Variants in RYR1 observed in about 807,000 individuals in gnomAD.
RYR1 encodes central core disease of muscle.
A neutral mutation model predicts 583.5 loss-of-function variants in RYR1; 342 were observed. That is an observed-to-expected ratio of 0.59 (90% CI 0.54 to 0.64). The LOEUF is 0.64. RYR1 is among the 30% of genes least tolerant of loss of function. RYR1 has a pLI of 0.00. For missense variants in RYR1, 6,032 were observed against 6,917.2 expected (o/e 0.87, Z 4.54); for synonymous variants, 2,791 against 2,822.5 (o/e 0.99, Z 0.35).
Position 38,466,263 on chromosome 19 carries a change from C to T in RYR1, c.3043C>T (p.Arg1015Cys), listed in dbSNP as rs139006437. The stretch of plus-strand genomic sequence containing the variant: ...CAGCGCAGTGCAGGACATCCCAGCG[C>T]GCCGAAACCCTCGGCTGGTGCCCTA... The part of the protein sequence containing the change: ...SYSAVQDIPA[R>C]RNPRLVPYRL... The change falls in exon 24 of 106, where the codon CGC becomes TGC. Residue 1015 changes from arginine to cysteine, a missense_variant. Around this residue, in one of 11 missense-constraint regions of RYR1, gnomAD observed 2,627 missense variants for 2,961.3 expected, o/e 0.89. Transcript: ENST00000359596. 4.3e-5 allele frequency: 69 copies of T among 1,613,254 alleles called. No individual in the cohort carries two copies. Among genetic ancestry groups the T allele is most frequent in the South Asian group, 2.0e-4 (18 of 91,054 alleles).
Position 38,561,311 on chromosome 19 carries a change from A to T in RYR1, c.12481A>T (p.Asn4161Tyr), listed in dbSNP as rs1296383754. 1 of 1,613,982 alleles carries T rather than the reference A, an allele frequency of 6.2e-7. No individual in the cohort carries two copies. The highest frequency in any genetic ancestry group is 8.5e-7 in the Non-Finnish European group (1 of 1,180,010). Reference sequence around the variant, plus strand: ...TGTGCCGCATGACCCTCGCCTGCACAACTTCCTGGAGCTGGCCGAGAGCAT... The same window carrying T: ...TGTGCCGCATGACCCTCGCCTGCACTACTTCCTGGAGCTGGCCGAGAGCAT... Reference protein sequence around the residue: ...EHVPHDPRLHNFLELAESILE... With the variant: ...EHVPHDPRLHYFLELAESILE... Residue 4161 changes from asparagine (N) to tyrosine (Y), a missense_variant, in exon 90 of 106, where the codon AAC (asparagine) becomes TAC (tyrosine). Asn to Tyr is a moderately radical substitution (Grantham distance 143, BLOSUM62 -2). Around this residue, in one of 11 missense-constraint regions of RYR1, gnomAD observed 753 missense variants for 759.6 expected, o/e 0.99. Coordinates refer to ENST00000359596, the MANE Select transcript of RYR1 (RefSeq NM_000540.3). The surrounding 1 kb of genome is among the most constrained non-coding windows in gnomAD (Gnocchi z 4.8).
At position 38,499,711 on chromosome 19, in the gene RYR1, G is replaced by A; in HGVS notation, c.7104G>A (p.Leu2368=). ...IRKPECFGPA[L]RGEGGSGLLA... ...AGCCTGAGTGCTTCGGACCCGCCCTGCGGGGTGAGGGTGGCTCAGGGCTGC... is the reference window on the plus strand; with the variant it reads ...AGCCTGAGTGCTTCGGACCCGCCCTACGGGGTGAGGGTGGCTCAGGGCTGC... The change falls in exon 44 of 106, where the codon CTG becomes CTA. Residue 2368 remains leucine (L), a synonymous_variant. Coordinates refer to ENST00000359596, the MANE Select transcript of RYR1 (RefSeq NM_000540.3). This position sits in a 1 kb window ranked among gnomAD's most constrained non-coding sequence, Gnocchi z 7.3. The A allele has an allele frequency of 6.2e-7, 1 of 1,601,594 alleles. No individual in the cohort carries two copies. The highest frequency in any genetic ancestry group is 1.3e-5 in the African/African-American group (1 of 74,998).
intron 69 of RYR1, chr19:38,523,616 CCT>C: frequency 3.3e-6 from 2 of 605,218 alleles, no homozygotes; most frequent in South Asian, 2.0e-5. Flanking sequence ...CTTCTCCAAG[CCT>C]CTCTCTCCTC....
intron 89 of RYR1, among the ~76,000 whole-genome samples, chr19:38,555,335 C>T (rs1357021629): frequency 1.3e-5 from 2 of 151,606 alleles, no homozygotes; most frequent in African/African-American, 4.8e-5. Context: ...GCCTGTAGTC[C>T]TAGCTACTTG....
intron 89 of RYR1, among the ~76,000 whole-genome samples, chr19:38,560,426 A>G (rs1973074089): frequency 6.6e-6 from 1 of 151,566 alleles, no homozygotes; most frequent in Non-Finnish European, 1.5e-5. Flanking sequence ...CATTAGCAGG[A>G]TAACAGATAA....
chr19:38,494,810 T>C (rs1423879406), intron 39 of RYR1, among the ~76,000 whole-genome samples, 185 bp downstream of exon 39: 2 of 150,578 alleles, frequency 1.3e-5, no homozygotes, highest in Non-Finnish European at 3.0e-5. Context: ...TGGTAGCAGC[T>C]CCGCTTCTGT....
chr19:38,527,851 A>C (rs1971541631), intron 73 of RYR1, 67 bp downstream of exon 73: 4 of 1,586,592 alleles, frequency 2.5e-6, no homozygotes, highest in South Asian at 1.1e-5. Context: ...GAGGGGCTTC[A>C]AGGATGTGGG....
Position 38,483,117 on chromosome 19 carries a change from C to A in RYR1, c.4707+4C>A, listed in dbSNP as rs779492655. On this transcript the variant is annotated splice_donor_region_variant and intron_variant, in intron 32 of 105. Coordinates refer to ENST00000359596, the MANE Select transcript of RYR1 (RefSeq NM_000540.3). This position sits in a 1 kb window ranked among gnomAD's most constrained non-coding sequence, Gnocchi z 6.3. ...GTTTGAGCTGGGGAAGCAGAAGGTACAAGTGCAGTGATGGGGGCACTAATG... is the reference window on the plus strand; with the variant it reads ...GTTTGAGCTGGGGAAGCAGAAGGTAAAAGTGCAGTGATGGGGGCACTAATG... The A allele has an allele frequency of 1.7e-5, 28 of 1,613,710 alleles. No homozygotes were observed. Among genetic ancestry groups the A allele is most frequent in the Non-Finnish European group, 2.3e-5 (27 of 1,179,786 alleles).
intron 16 of RYR1, among the ~76,000 whole-genome samples, chr19:38,456,936 C>T (rs897817926): frequency 3.5e-5 from 5 of 144,632 alleles, no homozygotes; most frequent in Non-Finnish European, 6.0e-5. Context: ...GTCCCAGCTA[C>T]TCGGGAGGCT....
intron 42 of RYR1, among the ~76,000 whole-genome samples, chr19:38,498,415 C>T (rs1969945335): frequency 6.6e-6 from 1 of 152,046 alleles, no homozygotes; most frequent in Admixed American, 6.6e-5. Context: ...CAAGGGTGGA[C>T]AGAACCGCTA....
chr19:38,471,932 C>G (rs1968443118), intron 27 of RYR1, among the ~76,000 whole-genome samples: 2 of 142,512 alleles, frequency 1.4e-5, no homozygotes, highest in African/African-American at 5.2e-5. Flanking sequence ...ATTCTGAGAA[C>G]AAAGAATCTT....
rs1568497455 is a variant in RYR1 at position 38,496,960 on chromosome 19, G to GAGGGC, written c.6891+12_6891+16dup. Reference sequence around the variant, plus strand: ...AGGAGCAGGACCTGGAAAAGGTGTGGAGGGCAGGGCTGGGCCCCAGGCCTA... The same window carrying GAGGGC: ...AGGAGCAGGACCTGGAAAAGGTGTGGAGGGCAGGGCAGGGCTGGGCCCCAGGCCTA... On this transcript the variant is annotated splice_region_variant and intron_variant, in intron 42 of 105. Coordinates refer to ENST00000359596, the MANE Select transcript of RYR1 (RefSeq NM_000540.3). This position sits in a 1 kb window ranked among gnomAD's most constrained non-coding sequence, Gnocchi z 4.8. 1 of 1,612,816 alleles carries GAGGGC rather than the reference G, an allele frequency of 6.2e-7. No homozygotes were observed. Among genetic ancestry groups the GAGGGC allele is most frequent in the East Asian group, 2.2e-5 (1 of 44,880 alleles).
intron 89 of RYR1, among the ~76,000 whole-genome samples, chr19:38,556,987 G>A (rs1401944482): frequency 1.3e-5 from 2 of 148,964 alleles, no homozygotes; most frequent in Non-Finnish European, 3.0e-5. Flanking sequence ...GCCAGCAGCT[G>A]TTTCTGCTCA....
rs772039551 is a variant in RYR1, at chr19:38,523,231, G to A, written c.10362G>A (p.Glu3454=). ...YWSKSHNFKR[E]EQNFVVQNEI... Reference sequence around the variant, plus strand: ...TCCCCCACCAGAACTTCAAGCGCGAGGAGCAGAACTTTGTGGTCCAGAATG... The same window carrying A: ...TCCCCCACCAGAACTTCAAGCGCGAAGAGCAGAACTTTGTGGTCCAGAATG... The change falls in exon 69 of 106, where the codon GAG becomes GAA. Residue 3454 remains glutamate, a synonymous_variant. Transcript: ENST00000359596. 107 of 1,614,100 alleles carry A rather than the reference G, an allele frequency of 6.6e-5. No homozygotes were observed. Among genetic ancestry groups the A allele is most frequent in the Non-Finnish European group, 8.9e-5 (105 of 1,180,056 alleles).
chr19:38,475,649 A>G lies in RYR1; in HGVS notation c.4293+199A>G, dbSNP rs59112185. On this transcript the variant is annotated intron_variant, in intron 29 of 105. Coordinates refer to ENST00000359596, the MANE Select transcript of RYR1 (RefSeq NM_000540.3). ...TAAATCCATATAGCTATGGCCCACA[A>G]ACGGCAGGGAGTACAGTAGAGGTGT... Among the ~76,000 whole-genome samples the G allele has an allele frequency of 0.037, 5,560 of 152,250 alleles. 329 individuals carry two copies. Among genetic ancestry groups the G allele is most frequent in the African/African-American group, 0.13 (5,238 of 41,518 alleles).
chr19:38,527,529 G>A (rs1600929638), intron 72 of RYR1, 118 bp from the exon 73 acceptor site: 3 of 1,332,442 alleles, frequency 2.3e-6, no homozygotes, highest in East Asian at 2.5e-5. Flanking sequence ...AGATGAAGAA[G>A]AAGAAAGGCC....
At chr19:38,453,588 A>G (rs965976361) in intron 13 of RYR1, among the ~76,000 whole-genome samples, 1 of 151,866 alleles carries the variant, frequency 6.6e-6, no homozygotes, top group African/African-American at 2.4e-5. Flanking sequence ...CAGGAGATCA[A>G]TAAAATAAAT....
Position 38,512,547 on chromosome 19 carries a change from G to C in RYR1, c.9472+64G>C. 6.8e-7 allele frequency: 1 copy of C among 1,460,652 alleles called. No individual in the cohort carries two copies. Among genetic ancestry groups the C allele is most frequent in the Non-Finnish European group, 9.5e-7 (1 of 1,053,180 alleles). The allele number at this position is 1,460,652 out of a possible 1,614,324, so 90.5% of individuals were successfully genotyped here. ...AGTGTGGCCAACACCACCCATCCGG[G>C]TGCCTGTGAGAGTCCCTGGGTGTTT... On this transcript the variant is annotated intron_variant, in intron 63 of 105. Transcript: ENST00000359596. The surrounding 1 kb of genome is among the most constrained non-coding windows in gnomAD (Gnocchi z 5.1).
rs1407372362 is a variant in RYR1 at position 38,485,590 on chromosome 19, G to C, written c.4935G>C (p.Arg1645=). Residue 1645 remains arginine (R), a splice_region_variant and synonymous_variant, in exon 34 of 106, where the codon CGG becomes CGC. Coordinates refer to ENST00000359596, the MANE Select transcript of RYR1 (RefSeq NM_000540.3). ...TGTCTGTTTCCCACCTCTGCTGCAG[G>C]TGCATGGACATCCTGGAGCTGTCGG... ...MMALHIPEEN[R]CMDILELSER... 1 of 1,608,764 alleles carries C rather than the reference G, an allele frequency of 6.2e-7. No homozygotes were observed. Among genetic ancestry groups the C allele is most frequent in the African/African-American group, 1.3e-5 (1 of 75,010 alleles).
Sources: gnomAD v4.1 joint callset for allele counts (sites outside exome capture counted in the v4.1 genomes callset) on GRCh38, gnomAD v4.1.1 for gene constraint, gnomAD v4.1.1 regional missense constraint, Gnocchi (gnomAD v3.1) non-coding constraint, MANE v1.5 for transcripts, NCBI Gene and HGNC (gene_info 2026-07-23, HGNC 2026-07-21) for gene names.